Variants in WIPI2 observed in about 807,000 individuals in gnomAD.
The protein encoded by WIPI2 is WD repeat domain phosphoinositide-interacting protein 2.
A neutral mutation model predicts 52.3 loss-of-function variants in WIPI2; 28 were observed. That is an observed-to-expected ratio of 0.54 (90% CI 0.40 to 0.73). The LOEUF is 0.73. Ranked by LOEUF, WIPI2 falls within the 30% of genes least tolerant of loss-of-function variation. The pLI is 0.00. For synonymous variants in WIPI2, 268 were observed against 245.0 expected (o/e 1.09, Z -0.88); for missense variants, 506 against 602.9 (o/e 0.84, Z 1.68).
In WIPI2 at chr7:5,227,469, C is replaced by T. The variant is rs1278399424; in HGVS notation, c.1013+125C>T. On this transcript the variant is annotated intron_variant, in intron 10 of 12. Coordinates refer to ENST00000288828, the MANE Select transcript of WIPI2 (RefSeq NM_015610.4). The surrounding 1 kb of genome is among the most constrained non-coding windows in gnomAD (Gnocchi z 8.1). ...CAGCTTCTTAGAGCCGACACTCCAT[C>T]GAGAGTTGTCGGGGATGGGAGGTCC... The T allele has an allele frequency of 3.0e-6, 4 of 1,332,192 alleles. No homozygotes were observed. Among genetic ancestry groups the T allele is most frequent in the Non-Finnish European group, 4.0e-6 (4 of 995,264 alleles). 82.5% of individuals were successfully genotyped at this position (1,332,192 alleles called of 1,614,324 possible).
At chr7:5,210,681 GAA>G (rs1204578454) in intron 3 of WIPI2, among the ~76,000 whole-genome samples, 6 of 151,854 alleles carry the variant, frequency 4.0e-5, no homozygotes, top group Non-Finnish European at 5.9e-5. Context: ...CCTATTCTTT[GAA>G]AAAAAATAAA....
At chr7:5,229,811 C>G in intron 12 of WIPI2, 73 bp downstream of exon 12, 3 of 1,578,786 alleles carry the variant, frequency 1.9e-6, no homozygotes, top group Non-Finnish European at 2.6e-6. Context: ...CTGCTGGCTC[C>G]GGAGCCACCC....
Position 5,213,665 on chromosome 7 carries a change from T to TTTGTTG in WIPI2, c.212-840_212-835dup, listed in dbSNP as rs149745229. 7.8e-3 allele frequency among the ~76,000 whole-genome samples: 434 copies of TTTGTTG among 55,892 alleles called. 1 individual carries two copies. Among genetic ancestry groups the TTTGTTG allele is most frequent in the African/African-American group, 0.03 (421 of 13,926 alleles). The allele number at this position is 55,892 out of a possible 152,430, so 36.7% of individuals were successfully genotyped here. A position where few individuals can be genotyped will look rare whatever the true frequency, so the allele number is the denominator to read the frequency against. Reference sequence around the variant, plus strand: ...AATTGCCTACGGGGCTTTTCTTTGTTTTGTTGTTGTTGTTGTTGTTGTTGT... The same window carrying TTTGTTG: ...AATTGCCTACGGGGCTTTTCTTTGTTTTGTTGTTGTTGTTGTTGTTGTTGTTGTTGT... On this transcript the variant is annotated intron_variant, in intron 3 of 12. Transcript: ENST00000288828.
chr7:5,208,206 T>C (rs758443691), intron 3 of WIPI2, among the ~76,000 whole-genome samples: 2 of 152,248 alleles, frequency 1.3e-5, no homozygotes, highest in Admixed American at 6.5e-5. Context: ...TGGCCGTTTA[T>C]ATATCTTCCT....
chr7:5,197,972 T>C (rs1016017678), intron 2 of WIPI2, among the ~76,000 whole-genome samples: 1 of 152,222 alleles, frequency 6.6e-6, no homozygotes, highest in African/African-American at 2.4e-5. Context: ...ACTTTTCTGA[T>C]GAGGAAACCC....
At chr7:5,195,920 T>C (rs761293423) in intron 2 of WIPI2, among the ~76,000 whole-genome samples, 7 of 151,950 alleles carry the variant, frequency 4.6e-5, no homozygotes, top group Non-Finnish European at 7.4e-5. Context: ...TCACCTGTAA[T>C]TCCAGCTGCT....
intron 7 of WIPI2, among the ~76,000 whole-genome samples, chr7:5,221,894 G>A (rs1009105494): frequency 1.6e-4 from 24 of 151,994 alleles, no homozygotes; most frequent in Admixed American, 1.5e-3. Context: ...GGTGGGGTCC[G>A]AAGCCTCGTC....
intron 1 of WIPI2, among the ~76,000 whole-genome samples, chr7:5,192,517 CT>C (rs1389070441): frequency 1.3e-5 from 2 of 152,184 alleles, no homozygotes; most frequent in Non-Finnish European, 2.9e-5. Flanking sequence ...GAAATAGGAC[CT>C]TTTCACACTT....
At chr7:5,196,954 A>G (rs1180829066) in intron 2 of WIPI2, among the ~76,000 whole-genome samples, 2 of 151,734 alleles carry the variant, frequency 1.3e-5, no homozygotes, top group African/African-American at 4.8e-5. Context: ...TCTACTAGAA[A>G]TACAAAAATT....
chr7:5,232,031 CTTCCCT>C lies in WIPI2; in HGVS notation c.*1087_*1092del, dbSNP rs1783746657. The C allele has an allele frequency of 3.8e-6, 1 of 263,748 alleles. No individual in the cohort carries two copies. The highest frequency in any genetic ancestry group is 1.0e-4 in the African/African-American group (1 of 9,660). 16.3% of individuals were successfully genotyped at this position (263,748 alleles called of 1,614,324 possible). ...AAGCTTCAGTATTTGCCTCGCTTCC[CTTCCCT>C]TTTCATATTTACAGAATTAAAACAA... On this transcript the variant is annotated 3_prime_UTR_variant, in exon 13 of 13. Transcript: ENST00000288828.
At chr7:5,216,357 G>A (rs1263140364) in intron 4 of WIPI2, 19 of 379,384 alleles carry the variant, frequency 5.0e-5, no homozygotes, top group East Asian at 3.7e-4. Context: ...ACTTGAACCC[G>A]GAAGGCAGAG....
rs150672762 is a variant in WIPI2, at chr7:5,229,629, G to A, written c.1143G>A (p.Thr381=). ...CCAGGCTGGACGGCAGTCTGGAAACGACCAATGAGATCTTGGACTCTGCCT... is the reference window on the plus strand; with the variant it reads ...CCAGGCTGGACGGCAGTCTGGAAACAACCAATGAGATCTTGGACTCTGCCT... ...KQHRLDGSLE[T]TNEILDSASH... The change falls in exon 12 of 13, where the codon ACG becomes ACA. Residue 381 remains threonine, a synonymous_variant. Transcript: ENST00000288828. The A allele has an allele frequency of 2.8e-5, 45 of 1,613,596 alleles. No individual in the cohort carries two copies. Among genetic ancestry groups the A allele is most frequent in the African/African-American group, 6.7e-5 (5 of 75,032 alleles).
At chr7:5,216,731 G>A (rs1472492128) in intron 5 of WIPI2, 72 bp downstream of exon 5, 1 of 1,467,776 alleles carries the variant, frequency 6.8e-7, no homozygotes, top group East Asian at 2.3e-5. Context: ...AGGTGAGAGA[G>A]ATTTTTTCTT....
At position 5,217,989 on chromosome 7, in the gene WIPI2, C is replaced by T; in HGVS notation, c.644C>T (p.Thr215Ile). ...GCACTGGCCTTTGACGCAAGTGGAA[C>T]TAAACTTGCCACGGCTTCGGAGAAG... Reference protein sequence around the residue: ...LAALAFDASGTKLATASEKGT... With the variant: ...LAALAFDASGIKLATASEKGT... Residue 215 changes from threonine (T) to isoleucine (I), a missense_variant, in exon 7 of 13, where the codon ACT becomes ATT. Transcript: ENST00000288828. The T allele has an allele frequency of 6.2e-7, 1 of 1,614,250 alleles. No individual in the cohort carries two copies. Among genetic ancestry groups the T allele is most frequent in the South Asian group, 1.1e-5 (1 of 91,088 alleles).
intron 2 of WIPI2, among the ~76,000 whole-genome samples, chr7:5,197,593 C>T (rs951474524): frequency 1.3e-5 from 2 of 152,024 alleles, no homozygotes; most frequent in Non-Finnish European, 2.9e-5. Flanking sequence ...TCTTTTTATC[C>T]TTCTAAGATA....
chr7:5,227,976 A>T lies in WIPI2; in HGVS notation c.1014-128A>T. ...AGCCGAGGTCAGTGGGGCGCCAGAC[A>T]CCTGCAGCTGCCCTTGTGCTCATCT... On this transcript the variant is annotated intron_variant, in intron 10 of 12. Coordinates refer to ENST00000288828, the MANE Select transcript of WIPI2 (RefSeq NM_015610.4). This position sits in a 1 kb window ranked among gnomAD's most constrained non-coding sequence, Gnocchi z 8.1. The T allele has an allele frequency of 1.2e-6, 1 of 847,248 alleles. No individual in the cohort carries two copies. Among genetic ancestry groups the T allele is most frequent in the Non-Finnish European group, 1.9e-6 (1 of 516,008 alleles). 52.5% of individuals were successfully genotyped at this position (847,248 alleles called of 1,614,324 possible).
rs758941327 is a variant in WIPI2, at chr7:5,216,557, G to A, written c.382-6G>A. ...CACGTTTGGTTTCGTTTTGTCTCTC[G>A]CCTAGAGGCTGATAGTATGCCTGGA... On this transcript the variant is annotated splice_region_variant and splice_polypyrimidine_tract_variant and intron_variant, in intron 4 of 12. Coordinates refer to ENST00000288828, the MANE Select transcript of WIPI2 (RefSeq NM_015610.4). 5.5e-5 allele frequency: 88 copies of A among 1,613,822 alleles called. No homozygotes were observed. Among genetic ancestry groups the A allele is most frequent in the Middle Eastern group, 1.6e-4 (1 of 6,082 alleles).
chr7:5,198,904 A>G (rs1457388622), intron 2 of WIPI2, among the ~76,000 whole-genome samples: 2 of 152,224 alleles, frequency 1.3e-5, no homozygotes. Context: ...CACCTCAAAT[A>G]GTTACCTTTT....
chr7:5,217,539 C>T, intron 6 of WIPI2: 1 of 393,098 alleles, frequency 2.5e-6, no homozygotes, highest in Non-Finnish European at 4.8e-6. Context: ...TTAAGCCATC[C>T]TCCCGCCTCG....
Sources: allele counts gnomAD v4.1 joint callset (sites outside exome capture counted in the v4.1 genomes callset), GRCh38; gene constraint gnomAD v4.1.1; non-coding constraint Gnocchi (gnomAD v3.1); transcripts MANE v1.5; gene names NCBI Gene and HGNC (gene_info 2026-07-23, HGNC 2026-07-21).